Variants in GNL2 observed in about 807,000 individuals in gnomAD.
The protein encoded by GNL2 is nucleolar GTP-binding protein 2.
A neutral mutation model predicts 92.3 loss-of-function variants in GNL2; 51 were observed. The ratio of observed to expected loss-of-function variants is 0.55; its 90% CI spans 0.44 to 0.70. GNL2 has a LOEUF of 0.70. Among genes scored for constraint, GNL2 ranks in the 30% least tolerant of loss-of-function variants. The pLI, the probability that GNL2 is intolerant of heterozygous loss-of-function variation, is 0.00. For missense variants in GNL2, 844 were observed against 895.6 expected, an observed-to-expected ratio of 0.94 and a Z score of 0.74; for synonymous variants, 283 against 300.6, an observed-to-expected ratio of 0.94 and a Z score of 0.61.
At chr1:37,584,947 T>G (rs1643828612) in intron 5 of GNL2, among the ~76,000 whole-genome samples, 1 of 151,322 alleles carries the variant, frequency 6.6e-6, no homozygotes, top group East Asian at 2.0e-4. Context: ...CCAGACGTGG[T>G]GGCGGGCACC....
chr1:37,571,079 TCA>T (rs889815635), intron 12 of GNL2, among the ~76,000 whole-genome samples: 2 of 152,208 alleles, frequency 1.3e-5, no homozygotes, highest in Non-Finnish European at 2.9e-5. Context: ...TTTTTGGCTT[TCA>T]GTTTCTGAAG....
intron 1 of GNL2, among the ~76,000 whole-genome samples, chr1:37,595,549 G>A (rs867058997): frequency 2.9e-4 from 44 of 152,300 alleles, no homozygotes; most frequent in Middle Eastern, 3.4e-3. Flanking sequence ...GGCCTGCCAG[G>A]CGTGCACTGA....
Position 37,595,893 on chromosome 1 carries a change from G to A in GNL2, c.-71C>T. ...GTGAAACAAACTTTTATGTTCCCAA[G>A]CCCGGCCGAAGACACCCGCCTGAAC... is the stretch of plus-strand genomic sequence containing the variant. On this transcript the variant is annotated 5_prime_UTR_variant, in exon 1 of 16. Coordinates refer to ENST00000373062, the MANE Select transcript of GNL2 (RefSeq NM_013285.3). 8 of 1,386,232 alleles carry A rather than the reference G, an allele frequency of 5.8e-6. No homozygotes were observed. The highest frequency in any genetic ancestry group is 2.3e-5 in the South Asian group (2 of 85,536). 85.9% of individuals were successfully genotyped at this position (1,386,232 alleles called of 1,614,324 possible). A position where few individuals can be genotyped will look rare whatever the true frequency, so the allele number is the denominator to read the frequency against.
rs749321738 is a variant in GNL2, at chr1:37,574,862, T to G, written c.1144-39A>C. On this transcript the variant is annotated intron_variant, in intron 10 of 15. Coordinates refer to ENST00000373062, the MANE Select transcript of GNL2 (RefSeq NM_013285.3). ...GGAAATCTCTCACTTACAAACTTTG[T>G]TGTGGAAGCAGTGAAGTTCCCAGTG... 4.0e-6 allele frequency: 6 copies of G among 1,501,380 alleles called. No individual in the cohort carries two copies. In the South Asian group the frequency reaches 6.8e-5, roughly 17 times the overall value. 93.0% of individuals were successfully genotyped at this position (1,501,380 alleles called of 1,614,324 possible).
At chr1:37,591,574 C>G (rs916457456) in intron 3 of GNL2, among the ~76,000 whole-genome samples, 2 of 147,956 alleles carry the variant, frequency 1.4e-5, no homozygotes, top group African/African-American at 5.0e-5. Flanking sequence ...GGCACAATCT[C>G]AGCTCACTGC....
chr1:37,574,609 T>C lies in GNL2; in HGVS notation c.1302+56A>G, dbSNP rs527303625. The C allele has an allele frequency of 5.4e-5, 84 of 1,553,746 alleles. 1 individual carries two copies. In the African/African-American group the frequency reaches 1.0e-3, roughly 19 times the overall value. ...GCATACCAAAAAAAGGCCCATATCA[T>C]ATACATACATGCTTGTGACAAGTAT... On this transcript the variant is annotated intron_variant, in intron 11 of 15. Coordinates refer to ENST00000373062, the MANE Select transcript of GNL2 (RefSeq NM_013285.3).
chr1:37,583,411 C>T (rs1205307985), intron 6 of GNL2: 1 of 159,300 alleles, frequency 6.3e-6, no homozygotes, highest in Non-Finnish European at 1.4e-5. Context: ...GGACATAAAC[C>T]TCTGCCGGTT....
chr1:37,590,371 T>C (rs1570072761), intron 4 of GNL2, among the ~76,000 whole-genome samples: 1 of 152,336 alleles, frequency 6.6e-6, no homozygotes, highest in East Asian at 1.9e-4. Context: ...GCCTCCCAAG[T>C]GCTGGGATTA....
intron 7 of GNL2, 146 bp from the exon 8 acceptor site, chr1:37,582,482 C>A: frequency 1.7e-6 from 1 of 592,564 alleles, no homozygotes; most frequent in Non-Finnish European, 2.9e-6. Flanking sequence ...AATGTTTTTT[C>A]CAAGTATAAC....
chr1:37,582,314 G>A lies in GNL2; in HGVS notation c.818C>T (p.Ser273Phe). ...WATKRWVAVL[S>F]QDYPTLAFHA... ...GAAAGCAAGTGTTGGATAATCCTGG[G>A]AGAGGACAGCAACCCACCGTTTCTA... is the stretch of plus-strand genomic sequence containing the variant. The change falls in exon 8 of 16, where the codon TCC (serine) becomes TTC (phenylalanine). Residue 273 changes from serine (S) to phenylalanine (F), a missense_variant. By Grantham distance (155) the Ser-to-Phe change is radical. Transcript: ENST00000373062. The A allele has an allele frequency of 6.2e-7, 1 of 1,612,356 alleles. No individual in the cohort carries two copies. Among genetic ancestry groups the A allele is most frequent in the East Asian group, 2.2e-5 (1 of 44,818 alleles).
chr1:37,585,515 C>G (rs1194506293), intron 5 of GNL2, among the ~76,000 whole-genome samples: 1 of 152,156 alleles, frequency 6.6e-6, no homozygotes, highest in Non-Finnish European at 1.5e-5. Flanking sequence ...CAGTATTTTT[C>G]TGATAAGGTT....
rs1391215163 is a variant in GNL2, at chr1:37,575,689, T to C, written c.1049A>G (p.Tyr350Cys). Reference sequence around the variant, plus strand: ...GAATATCCGACGCATCAAAGTAATATACTGCCAGACCTGAAGTCAGAAAAA... The same window carrying C: ...GAATATCCGACGCATCAAAGTAATACACTGCCAGACCTGAAGTCAGAAAAA... ...PIAGETKVWQ[Y>C]ITLMRRIFLI... The change falls in exon 10 of 16, where the codon TAT (tyrosine) becomes TGT (cysteine). Residue 350 changes from tyrosine (Y) to cysteine (C), a missense_variant. By Grantham distance (194) the Tyr-to-Cys change is radical (BLOSUM62 -2). Coordinates refer to ENST00000373062, the MANE Select transcript of GNL2 (RefSeq NM_013285.3). The surrounding 1 kb of genome is among the most constrained non-coding windows in gnomAD (Gnocchi z 4.1). The C allele has an allele frequency of 1.3e-6, 2 of 1,596,964 alleles. No individual in the cohort carries two copies. Among genetic ancestry groups the C allele is most frequent in the Non-Finnish European group, 8.5e-7 (1 of 1,173,300 alleles).
At chr1:37,595,228 G>A (rs944962554) in intron 1 of GNL2, among the ~76,000 whole-genome samples, 1 of 152,184 alleles carries the variant, frequency 6.6e-6, no homozygotes, top group African/African-American at 2.4e-5. Flanking sequence ...TAATCGTACA[G>A]GTGGAACCTC....
chr1:37,584,335 G>C (rs1434974514), intron 5 of GNL2, among the ~76,000 whole-genome samples: 1 of 151,960 alleles, frequency 6.6e-6, no homozygotes, highest in Non-Finnish European at 1.5e-5. Flanking sequence ...TGTAATCCCA[G>C]CTACTGGGGA....
chr1:37,595,266 A>C (rs1643914453), intron 1 of GNL2, among the ~76,000 whole-genome samples: 1 of 152,220 alleles, frequency 6.6e-6, no homozygotes, highest in Non-Finnish European at 1.5e-5. Context: ...TCTCCTAAAC[A>C]GCCTTACTGC....
At chr1:37,567,222 T>G (rs993461939) in intron 15 of GNL2, among the ~76,000 whole-genome samples, 1 of 152,202 alleles carries the variant, frequency 6.6e-6, no homozygotes, top group African/African-American at 2.4e-5. Flanking sequence ...AATCCACATG[T>G]GATCCAACCC....
At chr1:37,587,578 T>C (rs1570069789) in intron 4 of GNL2, 83 bp from the exon 5 acceptor site, 2 of 849,822 alleles carry the variant, frequency 2.4e-6, no homozygotes, top group African/African-American at 1.7e-5. Flanking sequence ...TAGGAAAGAC[T>C]TTCTGATTTT....
intron 8 of GNL2, chr1:37,581,496 CA>C (rs1191530695): frequency 4.4e-6 from 2 of 456,068 alleles, no homozygotes; most frequent in South Asian, 3.1e-5. Flanking sequence ...GCAGAGGATG[CA>C]CAGCAGGCCT....
At chr1:37,574,620 G>A in intron 11 of GNL2, 45 bp downstream of exon 11, 4 of 1,585,926 alleles carry the variant, frequency 2.5e-6, no homozygotes, top group Non-Finnish European at 3.5e-6. Flanking sequence ...ATACATACAT[G>A]CTTGTGACAA....
Sources: gnomAD v4.1 joint callset for allele counts (sites outside exome capture counted in the v4.1 genomes callset) on GRCh38, gnomAD v4.1.1 for gene constraint, Gnocchi (gnomAD v3.1) non-coding constraint, MANE v1.5 for transcripts, NCBI Gene and HGNC (gene_info 2026-07-23, HGNC 2026-07-21) for gene names.